NDST4: variants seen among roughly 807,000 people sequenced by gnomAD.
NDST4 encodes the protein N-heparan sulfate sulfotransferase 4.
Under a neutral mutation model 100.8 loss-of-function variants are expected in NDST4, and 63 were observed. The observed-to-expected ratio is 0.62, with a 90% CI of 0.51 to 0.77. The LOEUF (loss-of-function observed/expected upper bound fraction) is 0.77. NDST4 is among the 30% of genes least tolerant of loss of function. NDST4 has a pLI of 0.00. For synonymous variants in NDST4, 377 were observed against 361.8 expected, an observed-to-expected ratio of 1.04 and a Z score of -0.48; for missense variants, 943 against 1,018.4, an observed-to-expected ratio of 0.93 and a Z score of 1.01.
chr4:114,830,161 T>C (rs1212243642), intron 12 of NDST4, among the ~76,000 whole-genome samples: 1 of 152,164 alleles, frequency 6.6e-6, no homozygotes, highest in African/African-American at 2.4e-5. Flanking sequence ...TTAAGTTCCT[T>C]AGCTTACCTA....
At chr4:115,009,402 C>T (rs1238438841) in intron 2 of NDST4, among the ~76,000 whole-genome samples, 3 of 127,742 alleles carry the variant, frequency 2.3e-5, no homozygotes, top group African/African-American at 9.0e-5. Context: ...CTATCTGATC[C>T]TTGACAAACC....
intron 4 of NDST4, among the ~76,000 whole-genome samples, chr4:114,941,232 T>G (rs1725743385): frequency 6.6e-6 from 1 of 152,206 alleles, no homozygotes; most frequent in Non-Finnish European, 1.5e-5. Context: ...GCATGTAACT[T>G]GCTTATATTC....
At chr4:114,962,739 T>C (rs919451130) in intron 4 of NDST4, among the ~76,000 whole-genome samples, 2 of 152,116 alleles carry the variant, frequency 1.3e-5, no homozygotes, top group African/African-American at 2.4e-5. Flanking sequence ...ATTTCCCAAA[T>C]TGAGTTGCAG....
intron 2 of NDST4, among the ~76,000 whole-genome samples, chr4:115,001,609 T>C (rs928091215): frequency 2.6e-5 from 4 of 151,914 alleles, no homozygotes; most frequent in African/African-American, 9.7e-5. Context: ...TACTATATAA[T>C]AATTATACGC....
chr4:114,848,801 G>A lies in NDST4; in HGVS notation c.1817-463C>T, dbSNP rs188792288. 3.0e-3 allele frequency among the ~76,000 whole-genome samples: 455 copies of A among 152,268 alleles called. 3 individuals are homozygous for A. The highest frequency in any genetic ancestry group is 0.01 in the African/African-American group (428 of 41,546). On this transcript the variant is annotated intron_variant, in intron 8 of 13. Coordinates refer to ENST00000264363, the MANE Select transcript of NDST4 (RefSeq NM_022569.3). Reference sequence around the variant, plus strand: ...TGATGTGCTACTCTGTGTATGGTCCGGAAGTAACTCTTGATTAAGAAAACA... The same window carrying A: ...TGATGTGCTACTCTGTGTATGGTCCAGAAGTAACTCTTGATTAAGAAAACA...
chr4:114,986,663 T>C (rs899869671), intron 2 of NDST4, among the ~76,000 whole-genome samples: 9 of 151,504 alleles, frequency 5.9e-5, no homozygotes, highest in African/African-American at 2.2e-4. Flanking sequence ...ACTGAATTGA[T>C]TGAAATTTTG....
rs1357560157 is a variant in NDST4, at chr4:115,008,440, T to C, written c.979-31166A>G. Among the ~76,000 whole-genome samples, 3 of 129,158 alleles carry C rather than the reference T, an allele frequency of 2.3e-5. 1 individual carries two copies. The highest frequency in any genetic ancestry group is 8.8e-5 in the African/African-American group (3 of 34,090). 84.7% of individuals were successfully genotyped at this position (129,158 alleles called of 152,430 possible). A position where few individuals can be genotyped will look rare whatever the true frequency, so the allele number is the denominator to read the frequency against. On this transcript the variant is annotated intron_variant, in intron 2 of 13. Transcript: ENST00000264363. Reference sequence around the variant, plus strand: ...ATTTGCTTGTCTGTAAAGTATTTTATTTCTCCTTCACTTATGAAGCTTAGT... The same window carrying C: ...ATTTGCTTGTCTGTAAAGTATTTTACTTCTCCTTCACTTATGAAGCTTAGT...
At chr4:114,962,021 G>A (rs1018825940) in intron 4 of NDST4, among the ~76,000 whole-genome samples, 5 of 151,900 alleles carry the variant, frequency 3.3e-5, no homozygotes, top group Admixed American at 3.3e-4. Context: ...AGGAATACAA[G>A]GTTAACTTAA....
chr4:114,867,646 TAAAAAAAAAAAAAAAAAGCAAA>T (rs776560264), intron 7 of NDST4, among the ~76,000 whole-genome samples: 2,297 of 26,804 alleles, frequency 0.086, 42 homozygotes, highest in Middle Eastern at 0.27. Flanking sequence ...ATGAGAATTA[TAAAAAAAAAAAAAAAAAGCAAA>T]AAAAAAAAAA....
In NDST4 at chr4:115,008,081, A is replaced by G. The variant is rs1283844020; in HGVS notation, c.979-30807T>C. 4.1e-4 allele frequency among the ~76,000 whole-genome samples: 53 copies of G among 130,194 alleles called. 16 individuals are homozygous for G. The Admixed American group carries it at 4.1e-3, about 10-fold the overall frequency. 85.4% of individuals were successfully genotyped at this position (130,194 alleles called of 152,430 possible). A position where few individuals can be genotyped will look rare whatever the true frequency, so the allele number is the denominator to read the frequency against. ...GTTTCTCTGAGGTTTCTAATCCACA[A>G]CAGAATTTCTGAGCTGACCACAAGA... On this transcript the variant is annotated intron_variant, in intron 2 of 13. Transcript: ENST00000264363.
intron 4 of NDST4, among the ~76,000 whole-genome samples, chr4:114,948,213 A>G (rs542221602): frequency 2.7e-4 from 41 of 152,178 alleles, no homozygotes; most frequent in African/African-American, 9.9e-4. Context: ...TAACACATTT[A>G]TGGAAAAATG....
At chr4:115,059,389 C>T (rs912835266) in intron 2 of NDST4, among the ~76,000 whole-genome samples, 4 of 152,034 alleles carry the variant, frequency 2.6e-5, no homozygotes, top group Admixed American at 6.6e-5. Flanking sequence ...TGATTACCTT[C>T]ATATGGAAAA....
chr4:114,887,203 A>G (rs1724496935), intron 6 of NDST4, among the ~76,000 whole-genome samples: 1 of 152,168 alleles, frequency 6.6e-6, no homozygotes, highest in Admixed American at 6.6e-5. Flanking sequence ...ATTTATAAAG[A>G]CCTTTAAGAA....
At chr4:114,976,939 A>G (rs1268382407) in intron 3 of NDST4, among the ~76,000 whole-genome samples, 1 of 151,866 alleles carries the variant, frequency 6.6e-6, no homozygotes, top group Non-Finnish European at 1.5e-5. Flanking sequence ...TACTCAGTAC[A>G]GTGGTTATGC....
rs1450398295 is a variant in NDST4, at chr4:115,079,909, G to T, written c.-246-2627C>A. ...GCATGATGTTGAAATGGTTGTTTTT[G>T]TCAGAAAATAACTTTTAAACTTTTT... On this transcript the variant is annotated intron_variant, in intron 1 of 13. Transcript: ENST00000264363. 2.6e-5 allele frequency among the ~76,000 whole-genome samples: 4 copies of T among 151,906 alleles called. No individual in the cohort carries two copies. The East Asian group carries it at 7.7e-4, about 29-fold the overall frequency.
intron 4 of NDST4, among the ~76,000 whole-genome samples, chr4:114,944,575 T>C (rs28496867): frequency 0.032 from 4,904 of 152,224 alleles, 280 homozygotes; most frequent in African/African-American, 0.11. Context: ...GTGTTGCAAA[T>C]AGTTACTATG....
At chr4:114,939,742 A>T (rs1427455130) in intron 4 of NDST4, among the ~76,000 whole-genome samples, 2 of 152,172 alleles carry the variant, frequency 1.3e-5, no homozygotes, top group Non-Finnish European at 2.9e-5. Flanking sequence ...GCAGTAAAAA[A>T]AAGTTACTAT....
At chr4:114,849,631 C>T (rs1308818951) in intron 8 of NDST4, among the ~76,000 whole-genome samples, 1 of 152,050 alleles carries the variant, frequency 6.6e-6, no homozygotes, top group Non-Finnish European at 1.5e-5. Context: ...GACCAACCAC[C>T]TTGATGGAAG....
At chr4:114,861,167 T>A (rs1232754879) in intron 7 of NDST4, among the ~76,000 whole-genome samples, 1 of 152,226 alleles carries the variant, frequency 6.6e-6, no homozygotes, top group African/African-American at 2.4e-5. Context: ...CCTACATTTC[T>A]AGCTTAAGCT....
Sources: allele counts gnomAD v4.1 joint callset (sites outside exome capture counted in the v4.1 genomes callset), GRCh38; gene constraint gnomAD v4.1.1; transcripts MANE v1.5; gene names NCBI Gene and HGNC (gene_info 2026-07-23, HGNC 2026-07-21).